Variants in ASAP1 observed in about 807,000 individuals in gnomAD.
The protein encoded by ASAP1 is ArfGAP with SH3 domain, ankyrin repeat and PH domain 1.
A neutral mutation model predicts 145.2 loss-of-function variants in ASAP1; 43 were observed. The observed-to-expected ratio is 0.30, with a 90% CI of 0.23 to 0.38. The LOEUF (loss-of-function observed/expected upper bound fraction) is 0.38. Among genes scored for constraint, ASAP1 ranks in the 10% least tolerant of loss-of-function variants. The pLI is 1.00. For missense variants in ASAP1, 1,018 were observed against 1,355.3 expected, an observed-to-expected ratio of 0.75 and a Z score of 3.91; for synonymous variants, 546 against 515.5, an observed-to-expected ratio of 1.06 and a Z score of -0.80.
intron 27 of ASAP1, among the ~76,000 whole-genome samples, chr8:130,072,831 G>GTGCGCGCGCGC (rs58907739): frequency 1.8e-5 from 2 of 110,706 alleles, no homozygotes; most frequent in South Asian, 2.6e-4. Flanking sequence ...GTGTGCGCGC[G>GTGCGCGCGCGC]GGGGGGGGCA....
chr8:130,312,828 C>T (rs1428438824), intron 3 of ASAP1, among the ~76,000 whole-genome samples: 2 of 152,164 alleles, frequency 1.3e-5, no homozygotes, highest in Non-Finnish European at 2.9e-5. Context: ...TTTAGTCATA[C>T]CCTAGCATTC....
chr8:130,224,586 T>C (rs1817484203), intron 4 of ASAP1, among the ~76,000 whole-genome samples: 1 of 152,148 alleles, frequency 6.6e-6, no homozygotes, highest in African/African-American at 2.4e-5. Flanking sequence ...TTTTCACCCC[T>C]TTCTCCCTTT....
At chr8:130,376,353 CA>C (rs1443280184) in intron 2 of ASAP1, among the ~76,000 whole-genome samples, 3 of 152,216 alleles carry the variant, frequency 2.0e-5, no homozygotes, top group Non-Finnish European at 4.4e-5. Context: ...GGCTATAGGA[CA>C]AGGCCCAGTC....
chr8:130,298,677 A>G (rs1822438347), intron 3 of ASAP1, among the ~76,000 whole-genome samples: 1 of 152,104 alleles, frequency 6.6e-6, no homozygotes. Context: ...ATTATCCTTT[A>G]GCTATAACAT....
chr8:130,300,188 C>T (rs11271133), intron 3 of ASAP1, among the ~76,000 whole-genome samples: 9 of 109,928 alleles, frequency 8.2e-5, no homozygotes, highest in African/African-American at 3.4e-4. Context: ...AGAGAGAGAG[C>T]GAGCGAGCGA....
At chr8:130,386,299 C>A (rs1828013334) in intron 2 of ASAP1, among the ~76,000 whole-genome samples, 1 of 152,182 alleles carries the variant, frequency 6.6e-6, no homozygotes, top group African/African-American at 2.4e-5. Context: ...TTACCTAAGC[C>A]AGTACATTCC....
In ASAP1 at chr8:130,060,683, C is replaced by T. The variant is rs1336928253; in HGVS notation, c.3088G>A (p.Val1030Met). Residue 1030 changes from valine to methionine, a missense_variant, in exon 28 of 30, where the codon GTG becomes ATG. Physicochemically the swap from Val to Met is conservative, Grantham distance 21. Coordinates refer to ENST00000518721, the MANE Select transcript of ASAP1 (RefSeq NM_018482.4). ...TTTTGGATGGCGTCTCTGGACTGCA[C>T]ATTTGGGGATAGATCCAATGGGTGT... ...KSHPLDLSPNVQSRDAIQKQA... is the reference protein window; with the variant it reads ...KSHPLDLSPNMQSRDAIQKQA... 3 of 1,614,150 alleles carry T rather than the reference C, an allele frequency of 1.9e-6. No individual in the cohort carries two copies. The highest frequency in any genetic ancestry group is 2.5e-6 in the Non-Finnish European group (3 of 1,180,028).
At chr8:130,094,548 G>A (rs1340307197) in intron 24 of ASAP1, among the ~76,000 whole-genome samples, 1 of 152,030 alleles carries the variant, frequency 6.6e-6, no homozygotes, top group Non-Finnish European at 1.5e-5. Flanking sequence ...ACGAATAGTT[G>A]TACCTCTTCA....
At chr8:130,441,301 G>A (rs951053635) in intron 1 of ASAP1, among the ~76,000 whole-genome samples, 24 of 152,288 alleles carry the variant, frequency 1.6e-4, no homozygotes, top group South Asian at 4.2e-4. Context: ...AGAAGTTTCC[G>A]CTCCTCCTTA....
At chr8:130,376,470 G>A (rs534001604) in intron 2 of ASAP1, among the ~76,000 whole-genome samples, 3 of 152,340 alleles carry the variant, frequency 2.0e-5, no homozygotes, top group East Asian at 1.9e-4. Flanking sequence ...GCTCACGCCT[G>A]TAATCCCAAC....
At chr8:130,105,549 T>A (rs1173692297) in intron 24 of ASAP1, among the ~76,000 whole-genome samples, 1 of 152,222 alleles carries the variant, frequency 6.6e-6, no homozygotes, top group African/African-American at 2.4e-5. Context: ...AGGCACCAGG[T>A]TGTACAACAG....
At chr8:130,121,649 T>C (rs548619964) in intron 18 of ASAP1, among the ~76,000 whole-genome samples, 1 of 151,944 alleles carries the variant, frequency 6.6e-6, no homozygotes, top group South Asian at 2.1e-4. Context: ...TCGGGCATAG[T>C]GGCGCATGCC....
chr8:130,281,374 A>T (rs1020570384), intron 3 of ASAP1, among the ~76,000 whole-genome samples: 3 of 152,224 alleles, frequency 2.0e-5, no homozygotes, highest in African/African-American at 7.2e-5. Context: ...GATTTTGTCC[A>T]TAAAGACTGA....
At chr8:130,379,084 A>G (rs566483349) in intron 2 of ASAP1, among the ~76,000 whole-genome samples, 4 of 152,314 alleles carry the variant, frequency 2.6e-5, no homozygotes, top group African/African-American at 9.6e-5. Context: ...ATAGAGCTCA[A>G]TCACCAATGG....
chr8:130,316,419 C>T (rs1823665802), intron 3 of ASAP1, among the ~76,000 whole-genome samples: 1 of 152,216 alleles, frequency 6.6e-6, no homozygotes, highest in African/African-American at 2.4e-5. Flanking sequence ...TGATGTGCTG[C>T]CCCAACATCC....
At chr8:130,168,911 CCTTT>C (rs1485929890) in intron 10 of ASAP1, 77 bp downstream of exon 10, 18 of 813,306 alleles carry the variant, frequency 2.2e-5, no homozygotes, top group Admixed American at 1.3e-4. Flanking sequence ...GCTTTTAACA[CCTTT>C]CTAATACAGA....
intron 24 of ASAP1, among the ~76,000 whole-genome samples, chr8:130,098,011 C>T (rs1031508543): frequency 2.0e-5 from 3 of 152,154 alleles, no homozygotes; most frequent in Non-Finnish European, 4.4e-5. Context: ...ATCTCTTCCT[C>T]CTCTTCTTGC....
chr8:130,197,962 T>C (rs994755893), intron 5 of ASAP1, among the ~76,000 whole-genome samples: 4 of 152,282 alleles, frequency 2.6e-5, no homozygotes, highest in Admixed American at 1.3e-4. Flanking sequence ...CTGCTGCCAC[T>C]GGACTCTCTC....
In ASAP1 at chr8:130,118,147, A is replaced by G. The variant is rs762123880; in HGVS notation, c.1880+14T>C. 3 of 1,610,274 alleles carry G rather than the reference A, an allele frequency of 1.9e-6. No homozygotes were observed. The highest frequency in any genetic ancestry group is 4.5e-5 in the East Asian group (2 of 44,844). On this transcript the variant is annotated intron_variant, in intron 20 of 29. Coordinates refer to ENST00000518721, the MANE Select transcript of ASAP1 (RefSeq NM_018482.4). ...CATATTCAGGTAATTCAACAGAGAA[A>G]ACAAAAACGATACCAGTTTTGTACA...
Sources: gnomAD v4.1 joint callset for allele counts (sites outside exome capture counted in the v4.1 genomes callset) on GRCh38, gnomAD v4.1.1 for gene constraint, MANE v1.5 for transcripts, NCBI Gene and HGNC (gene_info 2026-07-23, HGNC 2026-07-21) for gene names.